The following ASH1L variants were observed in gnomAD, a reference collection of about 807,000 sequenced individuals.
ASH1L encodes ASH1 like histone lysine methyltransferase.
A neutral mutation model predicts 269.0 loss-of-function variants in ASH1L; 23 were observed. The observed-to-expected ratio is 0.09, with a 90% CI of 0.06 to 0.12. The LOEUF (loss-of-function observed/expected upper bound fraction) is 0.12, where lower values mean the gene tolerates loss of function less well. Among genes scored for constraint, ASH1L ranks in the 10% least tolerant of loss-of-function variants. The probability of loss-of-function intolerance (pLI) is 1.00; values close to 1 mark genes in which losing one functional copy is unlikely to be tolerated. For synonymous variants in ASH1L, 1,187 were observed against 1,253.5 expected, an observed-to-expected ratio of 0.95 and a Z score of 1.12; for missense variants, 2,912 against 3,567.8, an observed-to-expected ratio of 0.82 and a Z score of 4.68.
chr1:155,477,864 G>C (rs375051488), intron 3 of ASH1L, 22 bp downstream of exon 3: 2 of 1,551,666 alleles, frequency 1.3e-6, no homozygotes, highest in Non-Finnish European at 1.7e-6. Flanking sequence ...ACAAATAACA[G>C]GTAACAAAAT....
At chr1:155,459,062 T>A (rs1378157823) in intron 4 of ASH1L, among the ~76,000 whole-genome samples, 2 of 151,682 alleles carry the variant, frequency 1.3e-5, no homozygotes, top group Non-Finnish European at 2.9e-5. Context: ...TATTAACAGG[T>A]TGTAAATATA....
intron 4 of ASH1L, among the ~76,000 whole-genome samples, chr1:155,457,014 C>T (rs116634256): frequency 1.6e-3 from 249 of 152,234 alleles, no homozygotes; most frequent in Admixed American, 4.4e-3. Flanking sequence ...TTTACTATGG[C>T]CCTTTCCCCT....
At chr1:155,381,171 A>G (rs536214674) in intron 7 of ASH1L, among the ~76,000 whole-genome samples, 25 of 152,212 alleles carry the variant, frequency 1.6e-4, no homozygotes, top group Non-Finnish European at 3.1e-4. Context: ...GGTATAATAC[A>G]TAATACTTGA....
intron 5 of ASH1L, chr1:155,433,891 C>G: frequency 6.3e-7 from 1 of 1,599,754 alleles, no homozygotes; most frequent in Non-Finnish European, 8.5e-7. Context: ...GAACCAGTAT[C>G]GAGAACCGAG....
chr1:155,380,236 G>A (rs1571051010), intron 7 of ASH1L, 120 bp from the exon 8 acceptor site: 1 of 696,666 alleles, frequency 1.4e-6, no homozygotes, highest in Non-Finnish European at 2.3e-6. Context: ...AATTCTTTAA[G>A]GATTTTTCCA....
intron 7 of ASH1L, among the ~76,000 whole-genome samples, chr1:155,385,619 TG>T (rs1266796508): frequency 6.6e-6 from 1 of 152,238 alleles, no homozygotes; most frequent in East Asian, 1.9e-4. Flanking sequence ...CCCAAAGTGC[TG>T]GGATTTCAAG....
chr1:155,559,579 T>C (rs1671822044), intron 1 of ASH1L, among the ~76,000 whole-genome samples: 1 of 152,104 alleles, frequency 6.6e-6, no homozygotes, highest in African/African-American at 2.4e-5. Flanking sequence ...ACATATTTTT[T>C]TAAAGTACAA....
At chr1:155,536,357 T>C (rs985100167) in intron 1 of ASH1L, among the ~76,000 whole-genome samples, 1 of 152,148 alleles carries the variant, frequency 6.6e-6, no homozygotes, top group Non-Finnish European at 1.5e-5. Context: ...GCCATCAAAA[T>C]GGTTTTAAGA....
intron 4 of ASH1L, among the ~76,000 whole-genome samples, chr1:155,451,504 A>G (rs112346712): frequency 0.01 from 1,548 of 152,168 alleles, 37 homozygotes; most frequent in African/African-American, 0.036. Context: ...TCACGCCCGT[A>G]ATCACAGCAC....
At chr1:155,551,592 G>A (rs371887926) in intron 1 of ASH1L, among the ~76,000 whole-genome samples, 2,867 of 140,324 alleles carry the variant, frequency 0.02, 96 homozygotes, top group African/African-American at 0.072. Context: ...CCCGGGAGGC[G>A]GAGCTTGCAG....
intron 4 of ASH1L, among the ~76,000 whole-genome samples, chr1:155,454,083 C>T (rs896006693): frequency 3.3e-5 from 5 of 151,972 alleles, no homozygotes; most frequent in African/African-American, 4.8e-5. Flanking sequence ...CCAGCCTGAG[C>T]GACGGAGCAA....
chr1:155,411,586 A>AAAAAATATATATATATATATATATATAT (rs1659784229), intron 6 of ASH1L, among the ~76,000 whole-genome samples: 1 of 55,192 alleles, frequency 1.8e-5, no homozygotes, highest in Non-Finnish European at 3.2e-5. Flanking sequence ...TAAATAAATA[A>AAAAAATATATATATATATATATATATAT]ATATATATAT....
At chr1:155,396,716 C>A (rs1157693635) in intron 6 of ASH1L, among the ~76,000 whole-genome samples, 1 of 151,766 alleles carries the variant, frequency 6.6e-6, no homozygotes, top group Non-Finnish European at 1.5e-5. Context: ...GTAATCCCAG[C>A]ACTTTGGAAG....
At chr1:155,514,896 C>A (rs1269007495) in intron 2 of ASH1L, among the ~76,000 whole-genome samples, 1 of 152,040 alleles carries the variant, frequency 6.6e-6, no homozygotes, top group Non-Finnish European at 1.5e-5. Flanking sequence ...ATTTTACACA[C>A]CAACAAGGAA....
At chr1:155,493,981 T>C (rs1666985078) in intron 2 of ASH1L, among the ~76,000 whole-genome samples, 1 of 152,084 alleles carries the variant, frequency 6.6e-6, no homozygotes, top group Non-Finnish European at 1.5e-5. Context: ...TCTTCCTCCA[T>C]GGAGATGTCA....
chr1:155,418,112 G>A (rs1454219009), intron 5 of ASH1L, among the ~76,000 whole-genome samples: 1 of 152,142 alleles, frequency 6.6e-6, no homozygotes, highest in African/African-American at 2.4e-5. Context: ...ACATCACAAT[G>A]TCTTGCATCC....
At chr1:155,542,499 A>T (rs1478088062) in intron 1 of ASH1L, among the ~76,000 whole-genome samples, 1 of 151,192 alleles carries the variant, frequency 6.6e-6, no homozygotes, top group African/African-American at 2.4e-5. Context: ...CAGTGAGCCC[A>T]GGTTGCGCCA....
intron 3 of ASH1L, among the ~76,000 whole-genome samples, chr1:155,461,957 C>A (rs1166975389): frequency 6.6e-5 from 10 of 151,950 alleles, no homozygotes; most frequent in Non-Finnish European, 1.2e-4. Context: ...GGCCACCATG[C>A]CCAGCTAATT....
At position 155,562,468 on chromosome 1, in the gene ASH1L, C is replaced by A; in HGVS notation, c.-415G>T. 1 of 1,456,312 alleles carries A rather than the reference C, an allele frequency of 6.9e-7. No homozygotes were observed. The highest frequency in any genetic ancestry group is 9.3e-7 in the Non-Finnish European group (1 of 1,074,206). 90.2% of individuals were successfully genotyped at this position (1,456,312 alleles called of 1,614,324 possible). A position where few individuals can be genotyped will look rare whatever the true frequency, so the allele number is the denominator to read the frequency against. On this transcript the variant is annotated 5_prime_UTR_variant, in exon 1 of 28. Coordinates refer to ENST00000392403, the MANE Select transcript of ASH1L (RefSeq NM_018489.3). ...GGCAGCAGCAGAGTGGCGGCGGTGG[C>A]GGCGGCAGCTCCTCCAGAGGGAGGG... is the stretch of plus-strand genomic sequence containing the variant.
Sources: allele counts gnomAD v4.1 joint callset (sites outside exome capture counted in the v4.1 genomes callset), GRCh38; gene constraint gnomAD v4.1.1; transcripts MANE v1.5; gene names NCBI Gene and HGNC (gene_info 2026-07-23, HGNC 2026-07-21).